Variants in TMEM74 observed in about 807,000 individuals in gnomAD.
The protein encoded by TMEM74 is transmembrane protein 74.
In TMEM74, 13 loss-of-function variants were observed where a neutral mutation model predicts 18.1. The observed-to-expected ratio is 0.72, with a 90% CI of 0.47 to 1.14. The LOEUF (loss-of-function observed/expected upper bound fraction) is 1.14. Ranked by LOEUF, TMEM74 falls within the 50% of genes most tolerant of loss-of-function variation. The pLI, the probability that TMEM74 is intolerant of heterozygous loss-of-function variation, is 0.00. For synonymous variants in TMEM74, 159 were observed against 146.6 expected (o/e 1.08, Z -0.61); for missense variants, 372 against 375.9 (o/e 0.99, Z 0.09).
At chr8:108,630,385 C>T (rs1191197225) in intron 2 of TMEM74, among the ~76,000 whole-genome samples, 2 of 152,052 alleles carry the variant, frequency 1.3e-5, no homozygotes, top group Admixed American at 1.3e-4. Flanking sequence ...TAGTGGGAGA[C>T]TTTAACACCC....
At chr8:108,741,176 T>G (rs1202791201) in intron 1 of TMEM74, among the ~76,000 whole-genome samples, 1 of 152,160 alleles carries the variant, frequency 6.6e-6, no homozygotes, top group Non-Finnish European at 1.5e-5. Context: ...GTGAGAAAAC[T>G]ACTTTAAAAA....
At chr8:108,691,926 T>C (rs987361017) in intron 1 of TMEM74, among the ~76,000 whole-genome samples, 2 of 152,192 alleles carry the variant, frequency 1.3e-5, no homozygotes, top group African/African-American at 4.8e-5. Flanking sequence ...CAACAGATTT[T>C]TTTTAAAACT....
At chr8:108,745,940 C>A (rs116367227) in intron 1 of TMEM74, among the ~76,000 whole-genome samples, 62 of 152,224 alleles carry the variant, frequency 4.1e-4, no homozygotes, top group African/African-American at 1.3e-3. Flanking sequence ...CAGTCATGTA[C>A]CCGCTGTTTG....
chr8:108,693,879 A>G (rs1813254029), intron 1 of TMEM74, among the ~76,000 whole-genome samples: 1 of 152,252 alleles, frequency 6.6e-6, no homozygotes, highest in African/African-American at 2.4e-5. Flanking sequence ...TTTAATGACC[A>G]CGTAGCTGTT....
At chr8:108,645,670 A>G (rs1055607092) in intron 2 of TMEM74, among the ~76,000 whole-genome samples, 1 of 152,154 alleles carries the variant, frequency 6.6e-6, no homozygotes, top group African/African-American at 2.4e-5. Flanking sequence ...GAGGGCTCCC[A>G]GCCTTGCCTG....
At chr8:108,665,204 A>G (rs1283317278) in intron 1 of TMEM74, among the ~76,000 whole-genome samples, 7 of 152,182 alleles carry the variant, frequency 4.6e-5, no homozygotes, top group African/African-American at 1.7e-4. Flanking sequence ...TGTGCCAGAA[A>G]CAGACTCATT....
At chr8:108,674,402 C>A (rs1813033166) in intron 1 of TMEM74, among the ~76,000 whole-genome samples, 1 of 152,134 alleles carries the variant, frequency 6.6e-6, no homozygotes, top group East Asian at 1.9e-4. Context: ...TTTCGTCTTG[C>A]ATGTTGTAAT....
In TMEM74 at chr8:108,690,119, AT is replaced by A. The variant is rs1304873820; in HGVS notation, n.120-34683del. 7.2e-3 allele frequency among the ~76,000 whole-genome samples: 1,100 copies of A among 152,186 alleles called. 5 individuals carry two copies. Among genetic ancestry groups the A allele is most frequent in the Middle Eastern group, 0.017 (5 of 294 alleles). On this transcript the variant is annotated intron_variant and non_coding_transcript_variant, in intron 1 of 3. Coordinates refer to the TMEM74 transcript ENST00000518838. Reference sequence around the variant, plus strand: ...ACTGAGTAGGACTACACACATATGTATGTAGTGCTACTCAGTCTTGAGTCAA... The same window carrying A: ...ACTGAGTAGGACTACACACATATGTAGTAGTGCTACTCAGTCTTGAGTCAA...
At chr8:108,694,165 A>C (rs182639814) in intron 1 of TMEM74, among the ~76,000 whole-genome samples, 1 of 152,356 alleles carries the variant, frequency 6.6e-6, no homozygotes, top group East Asian at 1.9e-4. Flanking sequence ...GTCATGTGAA[A>C]TTGACCACTT....
chr8:108,618,516 G>C (rs1420512379), intron 2 of TMEM74, among the ~76,000 whole-genome samples: 4 of 152,086 alleles, frequency 2.6e-5, no homozygotes, highest in African/African-American at 9.7e-5. Context: ...TGAATGTATT[G>C]GTTTGTGTAC....
intron 1 of TMEM74, among the ~76,000 whole-genome samples, chr8:108,740,262 T>C (rs1813787249): frequency 6.6e-6 from 1 of 152,116 alleles, no homozygotes; most frequent in Admixed American, 6.5e-5. Context: ...AGCATGATCA[T>C]CTCAGGGTAG....
rs1388384938 is a variant in TMEM74, at chr8:108,780,744, G to T, written c.*3437C>A. The stretch of plus-strand genomic sequence containing the variant: ...AGTCATGTGGGTAAAAGCAACCATG[G>T]CCTCCAAGAACTTCATGGTTCCAAG... On this transcript the variant is annotated 3_prime_UTR_variant, in exon 2 of 2. Transcript: ENST00000297459. Among the ~76,000 whole-genome samples the T allele has an allele frequency of 1.3e-5, 2 of 152,098 alleles. No individual in the cohort carries two copies. The highest frequency in any genetic ancestry group is 4.8e-5 in the African/African-American group (2 of 41,416).
intron 1 of TMEM74, among the ~76,000 whole-genome samples, chr8:108,751,700 A>T (rs1224070941): frequency 6.6e-6 from 1 of 151,992 alleles, no homozygotes; most frequent in Non-Finnish European, 1.5e-5. Flanking sequence ...GAAACAAAAA[A>T]CCCCAAATTT....
At chr8:108,774,736 A>G (rs1038635245), downstream of TMEM74, among the ~76,000 whole-genome samples, 2 of 151,024 alleles carry the variant, frequency 1.3e-5, no homozygotes, top group African/African-American at 2.4e-5. Context: ...CAGATGTGCC[A>G]TAGTCTCTCC....
intron 2 of TMEM74, among the ~76,000 whole-genome samples, chr8:108,638,608 T>A (rs1812630552): frequency 6.6e-6 from 1 of 151,844 alleles, no homozygotes; most frequent in South Asian, 2.1e-4. Context: ...AGTCTTGAAT[T>A]CAGACACAAC....
intron 1 of TMEM74, among the ~76,000 whole-genome samples, chr8:108,761,230 C>T (rs184135493): frequency 6.6e-6 from 1 of 152,016 alleles, no homozygotes; most frequent in Admixed American, 6.6e-5. Flanking sequence ...AACGTGGGCT[C>T]TATCCAGGAT....
At chr8:108,761,564 G>C (rs1228228509) in intron 1 of TMEM74, among the ~76,000 whole-genome samples, 1 of 152,078 alleles carries the variant, frequency 6.6e-6, no homozygotes, top group African/African-American at 2.4e-5. Flanking sequence ...TCTTATTCGT[G>C]TTCAGGAAAA....
intron 1 of TMEM74, among the ~76,000 whole-genome samples, chr8:108,757,059 A>G (rs1054576023): frequency 1.3e-5 from 2 of 152,088 alleles, no homozygotes; most frequent in African/African-American, 4.8e-5. Flanking sequence ...TTGTTTCCTC[A>G]GGAGCTAGGG....
intron 1 of TMEM74, among the ~76,000 whole-genome samples, chr8:108,718,724 A>G (rs1813554596): frequency 6.6e-6 from 1 of 152,170 alleles, no homozygotes; most frequent in Non-Finnish European, 1.5e-5. Context: ...GTTTCTTTAT[A>G]TTCTTATGAA....
Sources: allele counts gnomAD v4.1 joint callset (sites outside exome capture counted in the v4.1 genomes callset), GRCh38; gene constraint gnomAD v4.1.1; transcripts MANE v1.5; gene names NCBI Gene and HGNC (gene_info 2026-07-23, HGNC 2026-07-21).